Variants in CNTNAP5 observed in about 807,000 individuals in gnomAD.
CNTNAP5 encodes contactin associated protein family member 5.
Under a neutral mutation model 150.2 loss-of-function variants are expected in CNTNAP5, and 72 were observed. The observed-to-expected ratio is 0.48, with a 90% CI of 0.40 to 0.58. The LOEUF is 0.58. Ranked by LOEUF, CNTNAP5 falls within the 20% of genes least tolerant of loss-of-function variation. The pLI, the probability that CNTNAP5 is intolerant of heterozygous loss-of-function variation, is 0.00. For synonymous variants in CNTNAP5, 672 were observed against 619.8 expected, an observed-to-expected ratio of 1.08 and a Z score of -1.25; for missense variants, 1,636 against 1,626.2, an observed-to-expected ratio of 1.01 and a Z score of -0.10.
intron 1 of CNTNAP5, among the ~76,000 whole-genome samples, chr2:124,029,151 C>A (rs545651126): frequency 6.6e-6 from 1 of 152,170 alleles, no homozygotes; most frequent in Admixed American, 6.5e-5. Context: ...AAAAACTCTT[C>A]ATTCTAGCTC....
intron 1 of CNTNAP5, among the ~76,000 whole-genome samples, chr2:124,167,640 CTT>C (rs2104658510): frequency 6.6e-6 from 1 of 152,310 alleles, no homozygotes; most frequent in South Asian, 2.1e-4. Context: ...CTTCACATCT[CTT>C]GTTAGGCAGG....
At chr2:124,389,592 A>T (rs918935456) in intron 3 of CNTNAP5, among the ~76,000 whole-genome samples, 3 of 152,244 alleles carry the variant, frequency 2.0e-5, no homozygotes, top group Non-Finnish European at 4.4e-5. Context: ...TGACACAATA[A>T]ACAAGGCATG....
At chr2:124,489,053 T>C (rs1446007125) in intron 7 of CNTNAP5, among the ~76,000 whole-genome samples, 2 of 152,190 alleles carry the variant, frequency 1.3e-5, no homozygotes, top group Non-Finnish European at 2.9e-5. Flanking sequence ...GTGGAATCCA[T>C]TGTTTAAAGT....
intron 3 of CNTNAP5, among the ~76,000 whole-genome samples, chr2:124,252,816 G>A (rs1687219517): frequency 6.6e-6 from 1 of 151,988 alleles, no homozygotes; most frequent in Non-Finnish European, 1.5e-5. Context: ...AGGTATTAAA[G>A]TTTGCAAAAT....
chr2:124,889,930 C>T (rs911680728), intron 21 of CNTNAP5, among the ~76,000 whole-genome samples: 1 of 152,156 alleles, frequency 6.6e-6, no homozygotes, highest in Middle Eastern at 3.4e-3. Context: ...AGAAGAATTA[C>T]TGAGTTTTAG....
At chr2:124,777,036 G>T (rs1257150034) in intron 17 of CNTNAP5, among the ~76,000 whole-genome samples, 4 of 151,842 alleles carry the variant, frequency 2.6e-5, no homozygotes, top group Non-Finnish European at 5.9e-5. Context: ...TTAAGAAGAG[G>T]GTAAGAGACC....
At chr2:124,406,439 C>T (rs1691572339) in intron 3 of CNTNAP5, among the ~76,000 whole-genome samples, 1 of 152,100 alleles carries the variant, frequency 6.6e-6, no homozygotes, top group Admixed American at 6.5e-5. Flanking sequence ...CATATATTTT[C>T]CTTCTACATG....
At chr2:124,718,930 G>C (rs1185226977) in intron 13 of CNTNAP5, among the ~76,000 whole-genome samples, 3 of 148,494 alleles carry the variant, frequency 2.0e-5, no homozygotes, top group African/African-American at 7.6e-5. Flanking sequence ...GGGCAACAGA[G>C]CAAGACTCCA....
chr2:124,490,864 T>A (rs909506742), intron 7 of CNTNAP5, among the ~76,000 whole-genome samples: 8 of 152,094 alleles, frequency 5.3e-5, no homozygotes, highest in African/African-American at 1.9e-4. Context: ...TACTCTGTTT[T>A]AAAAAAAATT....
intron 3 of CNTNAP5, among the ~76,000 whole-genome samples, chr2:124,351,751 G>A (rs1324565249): frequency 1.3e-5 from 2 of 152,104 alleles, no homozygotes; most frequent in Non-Finnish European, 1.5e-5. Flanking sequence ...TGGTAGTGTC[G>A]AAGAATATTT....
At chr2:124,351,420 C>A (rs1689872669) in intron 3 of CNTNAP5, among the ~76,000 whole-genome samples, 1 of 152,182 alleles carries the variant, frequency 6.6e-6, no homozygotes, top group African/African-American at 2.4e-5. Context: ...GCAGGAAGAC[C>A]AGCCAGCCTG....
chr2:124,428,522 T>A (rs1035470926), intron 4 of CNTNAP5, among the ~76,000 whole-genome samples: 1 of 152,158 alleles, frequency 6.6e-6, no homozygotes, highest in Non-Finnish European at 1.5e-5. Flanking sequence ...CTCCCACATG[T>A]GTACATGGTT....
intron 14 of CNTNAP5, among the ~76,000 whole-genome samples, chr2:124,761,993 G>A (rs1175090534): frequency 6.6e-6 from 1 of 152,024 alleles, no homozygotes; most frequent in East Asian, 1.9e-4. Context: ...GAAATGGAGA[G>A]ACATACAATT....
At chr2:124,265,629 G>A (rs780370378) in intron 3 of CNTNAP5, among the ~76,000 whole-genome samples, 1 of 152,090 alleles carries the variant, frequency 6.6e-6, no homozygotes, top group Non-Finnish European at 1.5e-5. Context: ...GAAGAGAGAA[G>A]GCCCTCTGGC....
chr2:124,476,890 A>G (rs972204534), intron 7 of CNTNAP5, among the ~76,000 whole-genome samples: 1 of 152,108 alleles, frequency 6.6e-6, no homozygotes, highest in Non-Finnish European at 1.5e-5. Flanking sequence ...GCAATTTTAA[A>G]CAAAATTTTA....
At chr2:124,534,056 A>G (rs1380732466) in intron 10 of CNTNAP5, among the ~76,000 whole-genome samples, 2 of 152,194 alleles carry the variant, frequency 1.3e-5, no homozygotes, top group African/African-American at 4.8e-5. Context: ...AAGTGAAACA[A>G]GTGAGATACA....
At chr2:124,851,640 A>G (rs1392117800) in intron 19 of CNTNAP5, among the ~76,000 whole-genome samples, 2 of 152,162 alleles carry the variant, frequency 1.3e-5, no homozygotes, top group Non-Finnish European at 2.9e-5. Flanking sequence ...TCTTTTACAA[A>G]TGTTTCAGTT....
At chr2:124,322,022 C>G (rs967540531) in intron 3 of CNTNAP5, among the ~76,000 whole-genome samples, 2 of 151,818 alleles carry the variant, frequency 1.3e-5, no homozygotes, top group Admixed American at 1.3e-4. Flanking sequence ...TATTGGCACC[C>G]GCCTATAATC....
chr2:124,655,013 C>T lies in CNTNAP5; in HGVS notation c.2077+7055C>T, dbSNP rs147769345. 7.8e-3 allele frequency among the ~76,000 whole-genome samples: 1,184 copies of T among 151,750 alleles called. 16 individuals are homozygous for T. The highest frequency in any genetic ancestry group is 0.012 in the Non-Finnish European group (816 of 67,960). On this transcript the variant is annotated intron_variant, in intron 13 of 23. Transcript: ENST00000682447. ...TTATTATACTTTAGGTTCTGGGATA[C>T]ATGTGCAGAATGTGCATGTTTGTTA...
Sources: allele counts gnomAD v4.1 joint callset (sites outside exome capture counted in the v4.1 genomes callset), GRCh38; gene constraint gnomAD v4.1.1; transcripts MANE v1.5; gene names NCBI Gene and HGNC (gene_info 2026-07-23, HGNC 2026-07-21).